Variants in R3HDM1 observed in about 807,000 individuals in gnomAD.
R3HDM1 encodes R3H domain containing 1.
A neutral mutation model predicts 141.1 loss-of-function variants in R3HDM1; 46 were observed. That is an observed-to-expected ratio of 0.33 (90% CI 0.26 to 0.42). R3HDM1 has a LOEUF of 0.42. R3HDM1 is among the 10% of genes least tolerant of loss of function. R3HDM1 has a pLI of 1.00. For synonymous variants in R3HDM1, 435 were observed against 472.9 expected, an observed-to-expected ratio of 0.92 and a Z score of 1.04; for missense variants, 1,184 against 1,368.3, an observed-to-expected ratio of 0.87 and a Z score of 2.12.
intron 26 of R3HDM1, among the ~76,000 whole-genome samples, chr2:135,723,116 T>TA (rs2076854558): frequency 1.3e-5 from 2 of 152,194 alleles, no homozygotes; most frequent in African/African-American, 4.8e-5. Flanking sequence ...AATTTTATTT[T>TA]TTTTATTTAT....
intron 19 of R3HDM1, among the ~76,000 whole-genome samples, chr2:135,662,620 G>C (rs1488729393): frequency 6.6e-6 from 1 of 152,152 alleles, no homozygotes; most frequent in Non-Finnish European, 1.5e-5. Context: ...AGCCAAGTTA[G>C]AATTTTAGTT....
chr2:135,606,707 G>C (rs1162318203), intron 3 of R3HDM1: 2 of 129,956 alleles, frequency 1.5e-5, no homozygotes, highest in African/African-American at 6.0e-5. Context: ...AGTGAGCCAA[G>C]ATCGCACCAC....
intron 1 of R3HDM1, among the ~76,000 whole-genome samples, chr2:135,599,834 C>A (rs1461020473): frequency 6.6e-6 from 1 of 151,984 alleles, no homozygotes; most frequent in East Asian, 1.9e-4. Context: ...GAATTTGAGA[C>A]CAGCCTGTGC....
intron 15 of R3HDM1, chr2:135,645,090 ATAAT>A (rs1212768166): frequency 2.7e-5 from 5 of 188,132 alleles, no homozygotes; most frequent in East Asian, 1.2e-4. Flanking sequence ...TAAGAAAATA[ATAAT>A]TAATTAATTA....
chr2:135,618,463 ATTTT>A lies in R3HDM1; in HGVS notation c.303+1724_303+1727del, dbSNP rs755774961. ...AAGTGTGAGCCACCGCGCCCGGCTGATTTTTTTTTTTTTTTTTTTTTGATGTATC... is the reference window on the plus strand; with the variant it reads ...AAGTGTGAGCCACCGCGCCCGGCTGATTTTTTTTTTTTTTTTTGATGTATC... On this transcript the variant is annotated intron_variant, in intron 5 of 26. Coordinates refer to ENST00000683871, the MANE Select transcript of R3HDM1 (RefSeq NM_001378107.1). 9.3e-4 allele frequency among the ~76,000 whole-genome samples: 116 copies of A among 124,092 alleles called. 1 individual carries two copies. The highest frequency in any genetic ancestry group is 3.2e-3 in the African/African-American group (108 of 33,320). The allele number at this position is 124,092 out of a possible 152,430, so 81.4% of individuals were successfully genotyped here. A position where few individuals can be genotyped will look rare whatever the true frequency, so the allele number is the denominator to read the frequency against.
In R3HDM1 at chr2:135,632,020, A is replaced by G. The variant is rs2062758788; in HGVS notation, c.698+19A>G. On this transcript the variant is annotated intron_variant, in intron 9 of 26. Transcript: ENST00000683871. ...CAAGAATGTAAGTGTCAAGAGATGT[A>G]ACTACATATTATATATCTAAATAAT... 6.4e-7 allele frequency: 1 copy of G among 1,553,310 alleles called. No homozygotes were observed. The highest frequency in any genetic ancestry group is 1.2e-5 in the South Asian group (1 of 84,648).
intron 1 of R3HDM1, among the ~76,000 whole-genome samples, chr2:135,555,907 G>A (rs1198285771): frequency 2.0e-5 from 3 of 152,190 alleles, no homozygotes; most frequent in East Asian, 1.9e-4. Context: ...TCCCAGCTAC[G>A]TGGGAAGCTG....
chr2:135,616,107 C>A (rs2060996932), intron 3 of R3HDM1, 45 bp from the exon 4 acceptor site: 1 of 1,569,508 alleles, frequency 6.4e-7, no homozygotes, highest in Non-Finnish European at 8.8e-7. Flanking sequence ...AGCAAATTTT[C>A]TGTTTCAGTA....
intron 1 of R3HDM1, among the ~76,000 whole-genome samples, chr2:135,561,519 C>A (rs1701794568): frequency 6.6e-6 from 1 of 152,044 alleles, no homozygotes; most frequent in Non-Finnish European, 1.5e-5. Context: ...GAGTTCATGA[C>A]CAGTCTGGGC....
At chr2:135,723,560 T>A (rs2076903187) in intron 26 of R3HDM1, among the ~76,000 whole-genome samples, 1 of 150,754 alleles carries the variant, frequency 6.6e-6, no homozygotes, top group African/African-American at 2.4e-5. Context: ...TTGCCTGAAC[T>A]CAGGAGTTCG....
At position 135,606,194 on chromosome 2, in the gene R3HDM1, C is replaced by G. The variant is rs2060032844; in HGVS notation, c.171+1178C>G. On this transcript the variant is annotated intron_variant, in intron 3 of 26. Coordinates refer to ENST00000683871, the MANE Select transcript of R3HDM1 (RefSeq NM_001378107.1). ...GCTGCAGTGCTGGGCTCAGGTAGAA[C>G]TAGAAGCACCTATTTATGGCTCCTC... 7 of 152,368 alleles carry G rather than the reference C, an allele frequency of 4.6e-5. No individual in the cohort carries two copies. In the South Asian group the frequency reaches 1.5e-3, roughly 32 times the overall value. 9.4% of individuals were successfully genotyped at this position (152,368 alleles called of 1,614,324 possible).
In R3HDM1 at chr2:135,683,953, A is replaced by AATACATACATACATACATAAATAC. The variant is rs1553621087; in HGVS notation, c.2459+3648_2459+3649insAATACATACATACATACATACATA. On this transcript the variant is annotated intron_variant, in intron 21 of 26. Coordinates refer to ENST00000683871, the MANE Select transcript of R3HDM1 (RefSeq NM_001378107.1). ...TAACAGAGTGATACTCTGTCTCATA[A>AATACATACATACATACATAAATAC]ATACATACATACATACATACATACA... 2.0e-3 allele frequency among the ~76,000 whole-genome samples: 295 copies of AATACATACATACATACATAAATAC among 147,974 alleles called. 2 individuals carry two copies. Among genetic ancestry groups the AATACATACATACATACATAAATAC allele is most frequent in the African/African-American group, 7.1e-3 (282 of 39,916 alleles).
intron 21 of R3HDM1, among the ~76,000 whole-genome samples, chr2:135,700,932 T>C (rs1268410702): frequency 1.3e-5 from 2 of 152,162 alleles, no homozygotes; most frequent in Non-Finnish European, 2.9e-5. Flanking sequence ...CCTGAAACCA[T>C]GGAATTGAAC....
At chr2:135,669,045 T>C (rs1440450759) in intron 19 of R3HDM1, 1 of 789,040 alleles carries the variant, frequency 1.3e-6, no homozygotes, top group Non-Finnish European at 1.5e-6. Context: ...TCTTTTGTTA[T>C]GTTTTAATAT....
At chr2:135,686,846 G>C (rs1026392198) in intron 21 of R3HDM1, among the ~76,000 whole-genome samples, 1 of 152,104 alleles carries the variant, frequency 6.6e-6, no homozygotes, top group African/African-American at 2.4e-5. Flanking sequence ...ACATTATGTT[G>C]AGTAAAATAA....
chr2:135,573,251 T>C (rs975368433), intron 1 of R3HDM1, among the ~76,000 whole-genome samples: 1 of 152,206 alleles, frequency 6.6e-6, no homozygotes, highest in Non-Finnish European at 1.5e-5. Flanking sequence ...CTCCCAATTT[T>C]CCTTCAAATA....
intron 1 of R3HDM1, chr2:135,596,863 T>C (rs1481146499): frequency 8.6e-6 from 2 of 231,384 alleles, no homozygotes; most frequent in Non-Finnish European, 1.4e-5. Context: ...CAGTGAATAT[T>C]TTTGTACATG....
rs758040991 is a variant in R3HDM1, at chr2:135,645,500, A to C, written c.1596A>C (p.Gln532His). The part of the protein sequence containing the change: ...PQPPLPAPPQ[Q>H]PAANHIFSQP... The stretch of plus-strand genomic sequence containing the variant: ...CACCTCTGCCAGCCCCACCTCAACA[A>C]CCAGCAGCTAATCACATTTTCTCAC... The change falls in exon 16 of 27, where the codon CAA becomes CAC. Residue 532 changes from glutamine (Q) to histidine (H), a missense_variant. Transcript: ENST00000683871. The C allele has an allele frequency of 6.2e-7, 1 of 1,614,020 alleles. No individual in the cohort carries two copies. Among genetic ancestry groups the C allele is most frequent in the South Asian group, 1.1e-5 (1 of 91,062 alleles).
intron 1 of R3HDM1, among the ~76,000 whole-genome samples, chr2:135,594,531 T>C (rs1363284290): frequency 6.6e-6 from 1 of 152,172 alleles, no homozygotes; most frequent in African/African-American, 2.4e-5. Context: ...GTGTTGGCCT[T>C]AATGAACCAC....
Sources: allele counts gnomAD v4.1 joint callset (sites outside exome capture counted in the v4.1 genomes callset), GRCh38; gene constraint gnomAD v4.1.1; transcripts MANE v1.5; gene names NCBI Gene and HGNC (gene_info 2026-07-23, HGNC 2026-07-21).